DDX60L: variants seen among roughly 807,000 people sequenced by gnomAD.
DDX60L encodes probable ATP-dependent RNA helicase DDX60-like.
Under a neutral mutation model 211.6 loss-of-function variants are expected in DDX60L, and 191 were observed. The ratio of observed to expected loss-of-function variants is 0.90; its 90% CI spans 0.80 to 1.02. The LOEUF is 1.02. DDX60L is among the 50% of genes least tolerant of loss of function. The probability of loss-of-function intolerance (pLI) is 0.00; values close to 1 mark genes in which losing one functional copy is unlikely to be tolerated. For synonymous variants in DDX60L, 706 were observed against 694.1 expected (o/e 1.02, Z -0.27); for missense variants, 2,007 against 1,984.1 (o/e 1.01, Z -0.22).
intron 9 of DDX60L, among the ~76,000 whole-genome samples, chr4:168,441,988 A>T (rs572765326): frequency 7.2e-4 from 109 of 152,266 alleles, no homozygotes; most frequent in African/African-American, 2.6e-3. Context: ...TTTACAGAAT[A>T]TGGGGGAGGA....
intron 1 of DDX60L, among the ~76,000 whole-genome samples, chr4:168,478,877 G>A (rs1204532532): frequency 6.6e-6 from 1 of 152,200 alleles, no homozygotes; most frequent in Non-Finnish European, 1.5e-5. Context: ...GGGGAAAGTA[G>A]TAGAGAAGGG....
rs1757385426 is a variant in DDX60L at position 168,462,032 on chromosome 4, T to C, written c.273A>G (p.Glu91=). 6.3e-7 allele frequency: 1 copy of C among 1,591,882 alleles called. No individual in the cohort carries two copies. The highest frequency in any genetic ancestry group is 1.3e-5 in the African/African-American group (1 of 74,206). The stretch of plus-strand genomic sequence containing the variant: ...GTTCAGGAAAATCAAAATATGCATA[T>C]TCAGCATCCTGTGGTGAGAAAAAGA... ...QFTIVFFKDA[E]YAYFDFPELL... is the part of the protein sequence containing the mutation. The change falls in exon 5 of 38, where the codon GAA becomes GAG. Residue 91 remains glutamate (E), a synonymous_variant. Transcript: ENST00000682922.
chr4:168,431,405 C>T (rs951040758), intron 12 of DDX60L, among the ~76,000 whole-genome samples: 6 of 152,112 alleles, frequency 3.9e-5, no homozygotes, highest in Admixed American at 2.6e-4. Flanking sequence ...GCAGAATCTT[C>T]GTAGACACTT....
intron 5 of DDX60L, 41 bp downstream of exon 5, chr4:168,461,658 A>C (rs1247307758): frequency 1.5e-6 from 2 of 1,359,198 alleles, no homozygotes; most frequent in Non-Finnish European, 2.0e-6. Context: ...GAGAATTAAA[A>C]CAAGAAATCA....
chr4:168,462,641 T>C (rs1757467489), intron 4 of DDX60L, among the ~76,000 whole-genome samples: 1 of 152,014 alleles, frequency 6.6e-6, no homozygotes, highest in Non-Finnish European at 1.5e-5. Flanking sequence ...GGTGAAACCC[T>C]GTTTCTACTA....
chr4:168,406,139 C>T, intron 23 of DDX60L, 61 bp from the exon 24 acceptor site: 1 of 1,515,560 alleles, frequency 6.6e-7, no homozygotes, highest in South Asian at 1.3e-5. Flanking sequence ...AAGAAAAATA[C>T]AATGATGTAT....
chr4:168,374,298 T>C lies in DDX60L; in HGVS notation c.4634-490A>G, dbSNP rs1360295513. Among the ~76,000 whole-genome samples, 3 of 152,180 alleles carry C rather than the reference T, an allele frequency of 2.0e-5. No individual in the cohort carries two copies. In the East Asian group the frequency reaches 5.8e-4, roughly 29 times the overall value. On this transcript the variant is annotated intron_variant, in intron 34 of 37. Coordinates refer to ENST00000682922, the MANE Select transcript of DDX60L (RefSeq NM_001012967.3). ...CATTATTGTCTGCATTTGCTCATGC[T>C]GTGTCCTACATCAACAAATCTTGAG... is the stretch of plus-strand genomic sequence containing the variant.
At chr4:168,470,852 A>G in intron 4 of DDX60L, 1 of 280,296 alleles carries the variant, frequency 3.6e-6, no homozygotes, top group Non-Finnish European at 7.0e-6. Flanking sequence ...AAAAAAAAAA[A>G]GAAAGTTCTA....
intron 4 of DDX60L, among the ~76,000 whole-genome samples, chr4:168,467,795 A>G (rs761700590): frequency 3.3e-5 from 5 of 152,242 alleles, no homozygotes; most frequent in Non-Finnish European, 5.9e-5. Flanking sequence ...TTCAGAAAAT[A>G]GAAGAGGAAA....
At chr4:168,465,690 T>C (rs1431103680) in intron 4 of DDX60L, among the ~76,000 whole-genome samples, 1 of 152,164 alleles carries the variant, frequency 6.6e-6, no homozygotes, top group Non-Finnish European at 1.5e-5. Flanking sequence ...AAGTGAGGGT[T>C]CAGTTTCATT....
chr4:168,458,279 T>C (rs1756860003), intron 5 of DDX60L, among the ~76,000 whole-genome samples: 1 of 152,146 alleles, frequency 6.6e-6, no homozygotes, highest in South Asian at 2.1e-4. Context: ...GAAATACCAT[T>C]TGACCCAGCA....
intron 8 of DDX60L, among the ~76,000 whole-genome samples, chr4:168,452,586 T>G (rs528475252): frequency 5.1e-4 from 77 of 152,178 alleles, no homozygotes; most frequent in African/African-American, 1.8e-3. Flanking sequence ...TTAAAAATTA[T>G]GCTAACCAAA....
At chr4:168,467,045 T>G (rs902249050) in intron 4 of DDX60L, among the ~76,000 whole-genome samples, 1 of 152,218 alleles carries the variant, frequency 6.6e-6, no homozygotes, top group African/African-American at 2.4e-5. Context: ...ACATATAAAC[T>G]GTTGGTAATT....
At chr4:168,468,192 A>G (rs1214702407) in intron 4 of DDX60L, among the ~76,000 whole-genome samples, 3 of 151,786 alleles carry the variant, frequency 2.0e-5, no homozygotes, top group African/African-American at 4.8e-5. Flanking sequence ...AAATAAATAA[A>G]CAAGTAAAAT....
intron 28 of DDX60L, among the ~76,000 whole-genome samples, chr4:168,393,628 T>C (rs527733514): frequency 9.9e-5 from 15 of 152,260 alleles, no homozygotes; most frequent in African/African-American, 3.4e-4. Flanking sequence ...AAAGTTAACA[T>C]AAAGCATTTA....
At position 168,448,746 on chromosome 4, in the gene DDX60L, A is replaced by C; in HGVS notation, c.1030T>G (p.Leu344Val). 1 of 1,606,694 alleles carries C rather than the reference A, an allele frequency of 6.2e-7. No homozygotes were observed. Among genetic ancestry groups the C allele is most frequent in the Non-Finnish European group, 8.5e-7 (1 of 1,174,854 alleles). ...AGATTCCAGCATCCAAAAACGTTTA[A>C]GTTGCTTAAAATGAAATATTCACAC... The part of the protein sequence containing the change: ...KWCEYFILSN[L>V]NVFGCWNLNL... Residue 344 changes from leucine (L) to valine (V), a missense_variant, in exon 9 of 38, where the codon TTA becomes GTA. Transcript: ENST00000682922.
At chr4:168,401,035 A>G in intron 25 of DDX60L, 57 bp from the exon 26 acceptor site, 2 of 1,520,228 alleles carry the variant, frequency 1.3e-6, no homozygotes, top group Non-Finnish European at 1.8e-6. Flanking sequence ...CATATTGTAA[A>G]CCAAAAATAA....
At chr4:168,369,337 T>C (rs1343246952) in intron 36 of DDX60L, among the ~76,000 whole-genome samples, 1 of 152,184 alleles carries the variant, frequency 6.6e-6, no homozygotes, top group Non-Finnish European at 1.5e-5. Flanking sequence ...TCTGCGGCCA[T>C]GTGAGACATG....
intron 36 of DDX60L, among the ~76,000 whole-genome samples, chr4:168,365,921 C>T (rs556241944): frequency 3.0e-4 from 46 of 152,076 alleles, no homozygotes; most frequent in African/African-American, 1.0e-3. Context: ...AAACAAAAAC[C>T]ATATGATCTT....
Sources: gnomAD v4.1 joint callset for allele counts (sites outside exome capture counted in the v4.1 genomes callset) on GRCh38, gnomAD v4.1.1 for gene constraint, MANE v1.5 for transcripts, NCBI Gene and HGNC (gene_info 2026-07-23, HGNC 2026-07-21) for gene names.